The following GUCA1C variants were observed in gnomAD, a reference collection of about 807,000 sequenced individuals.
GUCA1C encodes the protein guanylyl cyclase-activating protein 3.
A neutral mutation model predicts 16.2 loss-of-function variants in GUCA1C; 15 were observed. The observed-to-expected ratio is 0.93, with a 90% CI of 0.62 to 1.43. The LOEUF is 1.43. GUCA1C is among the 40% of genes most tolerant of loss of function. GUCA1C has a pLI of 0.00. For missense variants in GUCA1C, 275 were observed against 244.8 expected, an observed-to-expected ratio of 1.12 and a Z score of -0.82; for synonymous variants, 78 against 85.4, an observed-to-expected ratio of 0.91 and a Z score of 0.48.
At chr3:108,926,200 T>C (rs902696445) in intron 1 of GUCA1C, among the ~76,000 whole-genome samples, 5 of 152,226 alleles carry the variant, frequency 3.3e-5, no homozygotes, top group Non-Finnish European at 5.9e-5. Flanking sequence ...CTTTTTTAAC[T>C]GCTGTTACTT....
At chr3:108,915,687 G>T (rs1224596619) in intron 3 of GUCA1C, among the ~76,000 whole-genome samples, 1 of 152,124 alleles carries the variant, frequency 6.6e-6, no homozygotes, top group African/African-American at 2.4e-5. Context: ...GAAGAAAAAA[G>T]CCTGATAGTA....
chr3:108,908,239 C>T, intron 3 of GUCA1C, 30 bp from the exon 4 acceptor site: 2 of 1,459,978 alleles, frequency 1.4e-6, no homozygotes, highest in Non-Finnish European at 1.9e-6. Context: ...TAATAAGAGG[C>T]TTTGTCTATA....
At chr3:108,930,736 C>G (rs1576550557) in intron 1 of GUCA1C, among the ~76,000 whole-genome samples, 1 of 152,250 alleles carries the variant, frequency 6.6e-6, no homozygotes, top group East Asian at 1.9e-4. Context: ...GAATGGGTCT[C>G]CTAAAAGAAA....
At chr3:108,921,927 C>T (rs1193692428) in intron 1 of GUCA1C, among the ~76,000 whole-genome samples, 4 of 152,052 alleles carry the variant, frequency 2.6e-5, no homozygotes, top group Non-Finnish European at 4.4e-5. Flanking sequence ...TTTTATCCCT[C>T]GCCACCCTCT....
At chr3:108,943,177 T>C (rs761451029) in intron 1 of GUCA1C, among the ~76,000 whole-genome samples, 11 of 152,014 alleles carry the variant, frequency 7.2e-5, no homozygotes, top group Non-Finnish European at 1.2e-4. Flanking sequence ...GAAGATTCCA[T>C]AGGCTGGGAA....
intron 1 of GUCA1C, among the ~76,000 whole-genome samples, chr3:108,944,405 T>TC (rs1271977708): frequency 1.3e-5 from 2 of 152,182 alleles, no homozygotes; most frequent in African/African-American, 4.8e-5. Flanking sequence ...TAAGCCCCTG[T>TC]CCCGTCCTGT....
chr3:108,915,215 T>C (rs1417934740), intron 3 of GUCA1C, among the ~76,000 whole-genome samples: 1 of 152,168 alleles, frequency 6.6e-6, no homozygotes, highest in African/African-American at 2.4e-5. Flanking sequence ...TCTACTGCCC[T>C]CTTGTGTCCA....
chr3:108,920,683 C>A (rs1576546676), intron 1 of GUCA1C, 98 bp from the exon 2 acceptor site: 7 of 648,972 alleles, frequency 1.1e-5, no homozygotes, highest in Admixed American at 3.3e-5. Context: ...TTTAGTATAA[C>A]TTAAATCAAT....
At chr3:108,910,640 AT>A (rs1001760892) in intron 3 of GUCA1C, among the ~76,000 whole-genome samples, 17 of 150,620 alleles carry the variant, frequency 1.1e-4, no homozygotes, top group African/African-American at 3.7e-4. Context: ...ACACATTTCA[AT>A]TTTTTTTTCT....
intron 1 of GUCA1C, among the ~76,000 whole-genome samples, chr3:108,943,009 G>C (rs2715720): frequency 0.36 from 54,084 of 152,140 alleles, 10,168 homozygotes; most frequent in Middle Eastern, 0.5. Context: ...AGCAGAAAAT[G>C]AAGCAGGAAT....
In GUCA1C at chr3:108,953,649, A is replaced by G. The variant is rs1946921195; in HGVS notation, c.114T>C (p.His38=). 1.2e-5 allele frequency: 20 copies of G among 1,613,148 alleles called. No homozygotes were observed. The highest frequency in any genetic ancestry group is 1.6e-5 in the Non-Finnish European group (19 of 1,179,118). The part of the protein sequence containing the change: ...MEYPSGLQTL[H]EFKTLLGLQG... ...GCAGACCCAAAAGTGTCTTAAATTCATGTAGTGTTTGCAGGCCGGATGGAT... is the reference window on the plus strand; with the variant it reads ...GCAGACCCAAAAGTGTCTTAAATTCGTGTAGTGTTTGCAGGCCGGATGGAT... Residue 38 remains histidine (H), a synonymous_variant, in exon 1 of 4, where the codon CAT becomes CAC. Coordinates refer to ENST00000261047, the MANE Select transcript of GUCA1C (RefSeq NM_005459.4).
At position 108,934,392 on chromosome 3, in the gene GUCA1C, A is replaced by G. The variant is rs1385347756; in HGVS notation, c.205-13807T>C. ...AGATCCCGCCGAGGCTGCAGAGAAG[A>G]AGGAATGTTTATATACTGTTGGTGG... On this transcript the variant is annotated intron_variant, in intron 1 of 3. Transcript: ENST00000261047. Among the ~76,000 whole-genome samples the G allele has an allele frequency of 2.6e-5, 4 of 152,200 alleles. No individual in the cohort carries two copies. In the East Asian group the frequency reaches 5.8e-4, roughly 22 times the overall value.
chr3:108,928,459 CTTA>C (rs1279270499), intron 1 of GUCA1C, among the ~76,000 whole-genome samples: 2 of 152,168 alleles, frequency 1.3e-5, no homozygotes, highest in Non-Finnish European at 2.9e-5. Flanking sequence ...TAAACTCCAG[CTTA>C]TTATTTTTCA....
intron 2 of GUCA1C, among the ~76,000 whole-genome samples, chr3:108,919,871 C>T (rs1213877038): frequency 6.6e-6 from 1 of 152,066 alleles, no homozygotes; most frequent in Non-Finnish European, 1.5e-5. Context: ...TCCTGCTTAA[C>T]CATTTTTTTA....
intron 2 of GUCA1C, among the ~76,000 whole-genome samples, chr3:108,919,694 A>T (rs1946551990): frequency 6.6e-6 from 1 of 152,128 alleles, no homozygotes; most frequent in Admixed American, 6.6e-5. Flanking sequence ...TAATATTTCT[A>T]CTACGTATTT....
chr3:108,953,892 G>T, upstream of GUCA1C: 1 of 636,652 alleles, frequency 1.6e-6, no homozygotes. Flanking sequence ...ACCTCTTACA[G>T]CAACAAGCTA....
intron 3 of GUCA1C, among the ~76,000 whole-genome samples, chr3:108,912,014 G>A (rs962612690): frequency 6.6e-6 from 1 of 151,590 alleles, no homozygotes; most frequent in Admixed American, 6.6e-5. Context: ...GCTGAGGCAG[G>A]AGAATCACTT....
intron 3 of GUCA1C, among the ~76,000 whole-genome samples, chr3:108,909,661 T>C (rs956059303): frequency 6.6e-6 from 1 of 152,228 alleles, no homozygotes; most frequent in African/African-American, 2.4e-5. Context: ...AGAACCGGGA[T>C]ATAGTAGTGG....
chr3:108,932,620 T>C (rs1189221094), intron 1 of GUCA1C, among the ~76,000 whole-genome samples: 1 of 152,074 alleles, frequency 6.6e-6, no homozygotes, highest in African/African-American at 2.4e-5. Context: ...TGATATATGC[T>C]ATAACAATAA....
Sources: allele counts gnomAD v4.1 joint callset (sites outside exome capture counted in the v4.1 genomes callset), GRCh38; gene constraint gnomAD v4.1.1; transcripts MANE v1.5; gene names NCBI Gene and HGNC (gene_info 2026-07-23, HGNC 2026-07-21).